The following GAD2 variants were observed in gnomAD, a reference collection of about 807,000 sequenced individuals.
GAD2 encodes the protein glutamate decarboxylase 2.
A neutral mutation model predicts 80.1 loss-of-function variants in GAD2; 22 were observed. The observed-to-expected ratio is 0.27, with a 90% CI of 0.20 to 0.39. The LOEUF is 0.39. Among genes scored for constraint, GAD2 ranks in the 10% least tolerant of loss-of-function variants. The probability of loss-of-function intolerance (pLI) is 1.00; values close to 1 mark genes in which losing one functional copy is unlikely to be tolerated. For missense variants in GAD2, 624 were observed against 738.4 expected, an observed-to-expected ratio of 0.85 and a Z score of 1.80; for synonymous variants, 274 against 256.9, an observed-to-expected ratio of 1.07 and a Z score of -0.64.
intron 7 of GAD2, among the ~76,000 whole-genome samples, chr10:26,232,630 G>C (rs994543607): frequency 6.6e-6 from 1 of 151,958 alleles, no homozygotes; most frequent in Non-Finnish European, 1.5e-5. Flanking sequence ...CTGGAGTAGA[G>C]TAGCTGGGAC....
At chr10:26,271,940 A>G (rs1014647966) in intron 10 of GAD2, among the ~76,000 whole-genome samples, 1 of 152,038 alleles carries the variant, frequency 6.6e-6, no homozygotes, top group Non-Finnish European at 1.5e-5. Context: ...TTGCAATTTT[A>G]GTAGAGATGG....
chr10:26,263,972 GTTTTGT>G (rs982802912), intron 8 of GAD2, among the ~76,000 whole-genome samples: 1 of 152,110 alleles, frequency 6.6e-6, no homozygotes, highest in African/African-American at 2.4e-5. Flanking sequence ...AAGAATCTAG[GTTTTGT>G]TATCAGACAG....
chr10:26,220,378 A>G (rs946370386), intron 4 of GAD2, among the ~76,000 whole-genome samples: 1 of 152,216 alleles, frequency 6.6e-6, no homozygotes, highest in East Asian at 1.9e-4. Context: ...GCTAATCAAT[A>G]ACAAACATTC....
chr10:26,233,465 C>G (rs1385567816), intron 7 of GAD2, among the ~76,000 whole-genome samples: 2 of 152,116 alleles, frequency 1.3e-5, no homozygotes, highest in Non-Finnish European at 1.5e-5. Context: ...CTTCTTGAAC[C>G]CTTGACCCTA....
rs983897812 is a variant in GAD2, at chr10:26,301,475, T to C, written c.*514T>C. 1 of 152,100 alleles carries C rather than the reference T, an allele frequency of 6.6e-6. No individual in the cohort carries two copies. Among genetic ancestry groups the C allele is most frequent in the African/African-American group, 2.4e-5 (1 of 41,450 alleles). The allele number at this position is 152,100 out of a possible 1,614,324, so 9.4% of individuals were successfully genotyped here. On this transcript the variant is annotated 3_prime_UTR_variant, in exon 16 of 16. Transcript: ENST00000376261. The stretch of plus-strand genomic sequence containing the variant: ...TAATTTTACAAAAGGAAAATATATA[T>C]ATTAAAAAAGATATCCTATTTTGTA...
At chr10:26,262,269 GT>G (rs11424034) in intron 8 of GAD2, among the ~76,000 whole-genome samples, 169 of 136,098 alleles carry the variant, frequency 1.2e-3, no homozygotes, top group East Asian at 6.6e-3. Context: ...TTGGTTATTA[GT>G]TTTTTTTTTT....
chr10:26,298,450 T>C (rs866814241), intron 15 of GAD2, among the ~76,000 whole-genome samples: 25 of 152,222 alleles, frequency 1.6e-4, no homozygotes, highest in East Asian at 1.9e-4. Context: ...CCAATTCAGC[T>C]TGCTTCGGGA....
chr10:26,236,580 C>T (rs770822779), intron 7 of GAD2, among the ~76,000 whole-genome samples: 2 of 152,142 alleles, frequency 1.3e-5, no homozygotes, highest in African/African-American at 4.8e-5. Context: ...GAATTACAGG[C>T]GTGAGCCACC....
chr10:26,279,780 G>A (rs936176893), intron 11 of GAD2, among the ~76,000 whole-genome samples: 3 of 151,938 alleles, frequency 2.0e-5, no homozygotes. Context: ...CAAGGCATGA[G>A]GCAAAAAAAG....
chr10:26,249,063 CT>C (rs951896187), intron 8 of GAD2, among the ~76,000 whole-genome samples: 18 of 152,146 alleles, frequency 1.2e-4, no homozygotes, highest in African/African-American at 4.3e-4. Flanking sequence ...GAAATTGCCT[CT>C]TTTTTTGGCG....
intron 13 of GAD2, among the ~76,000 whole-genome samples, chr10:26,289,995 T>C (rs762678396): frequency 4.7e-4 from 71 of 152,068 alleles, no homozygotes; most frequent in Non-Finnish European, 8.1e-4. Flanking sequence ...GTCATACAAA[T>C]AGTCAGTTTT....
At position 26,225,520 on chromosome 10, in the gene GAD2, T is replaced by G. The variant is rs117402994; in HGVS notation, c.724+869T>G. 1.1e-3 allele frequency among the ~76,000 whole-genome samples: 175 copies of G among 152,214 alleles called. 3 individuals are homozygous for G. The East Asian group carries it at 0.031, about 27-fold the overall frequency. On this transcript the variant is annotated intron_variant, in intron 6 of 15. Transcript: ENST00000376261. The stretch of plus-strand genomic sequence containing the variant: ...TTAGTCCACTGAGACAGGACCCACC[T>G]GAGAGAGAGGCCAGAGCAACACCTG...
chr10:26,226,385 C>A (rs1415151013), intron 6 of GAD2, among the ~76,000 whole-genome samples: 1 of 152,212 alleles, frequency 6.6e-6, no homozygotes, highest in African/African-American at 2.4e-5. Context: ...GAATTATAGG[C>A]TTCCTTGGAG....
chr10:26,221,762 T>C (rs1196637275), intron 4 of GAD2, among the ~76,000 whole-genome samples: 1 of 152,206 alleles, frequency 6.6e-6, no homozygotes, highest in African/African-American at 2.4e-5. Flanking sequence ...AGTTCTCACA[T>C]CTCAAGCTCG....
Position 26,217,478 on chromosome 10 carries a change from A to T in GAD2, c.77-132A>T, listed in dbSNP as rs1454621659. 3 of 917,454 alleles carry T rather than the reference A, an allele frequency of 3.3e-6. No homozygotes were observed. The highest frequency in any genetic ancestry group is 5.2e-6 in the Non-Finnish European group (3 of 579,176). 56.8% of individuals were successfully genotyped at this position (917,454 alleles called of 1,614,324 possible). ...CACCTGCCGGCCTCACCGAGTCCTG[A>T]GCGGCCCCCAGGAGGAAGGCGGCCC... is the stretch of plus-strand genomic sequence containing the variant. On this transcript the variant is annotated intron_variant, in intron 1 of 15. Coordinates refer to ENST00000376261, the MANE Select transcript of GAD2 (RefSeq NM_001134366.2). This position sits in a 1 kb window ranked among gnomAD's most constrained non-coding sequence, Gnocchi z 4.9.
In GAD2 at chr10:26,280,131, G is replaced by C. The variant is rs549096360; in HGVS notation, c.1158-878G>C. Among the ~76,000 whole-genome samples the C allele has an allele frequency of 2.6e-5, 4 of 152,192 alleles. No homozygotes were observed. The East Asian group carries it at 7.7e-4, about 29-fold the overall frequency. On this transcript the variant is annotated intron_variant, in intron 11 of 15. Transcript: ENST00000376261. ...CTCTAAGCTGTGCTCTGAGATCACCGTGGAGGCAGGGTGCATGCTGCCACT... is the reference window on the plus strand; with the variant it reads ...CTCTAAGCTGTGCTCTGAGATCACCCTGGAGGCAGGGTGCATGCTGCCACT...
intron 8 of GAD2, among the ~76,000 whole-genome samples, chr10:26,247,895 CAA>C (rs11407523): frequency 0.02 from 903 of 46,266 alleles, 5 homozygotes; most frequent in African/African-American, 0.06. Flanking sequence ...GACTCCATCT[CAA>C]AAAAAAAAAA....
At chr10:26,278,610 C>T (rs1317883600) in intron 11 of GAD2, among the ~76,000 whole-genome samples, 1 of 152,064 alleles carries the variant, frequency 6.6e-6, no homozygotes, top group African/African-American at 2.4e-5. Flanking sequence ...CAGGGTCATT[C>T]TACAAAGCAA....
intron 7 of GAD2, among the ~76,000 whole-genome samples, chr10:26,241,969 A>ATTTGTTTGTTTG (rs113962077): frequency 6.4e-4 from 97 of 151,552 alleles, no homozygotes; most frequent in African/African-American, 2.3e-3. Context: ...CACTGGTTCC[A>ATTTGTTTGTTTG]TTTGTTTGTT....
Sources: allele counts gnomAD v4.1 joint callset (sites outside exome capture counted in the v4.1 genomes callset), GRCh38; gene constraint gnomAD v4.1.1; non-coding constraint Gnocchi (gnomAD v3.1); transcripts MANE v1.5; gene names NCBI Gene and HGNC (gene_info 2026-07-23, HGNC 2026-07-21).